The following STXBP5 variants were observed in gnomAD, a reference collection of about 807,000 sequenced individuals.
STXBP5 encodes the protein syntaxin-binding protein 5.
A neutral mutation model predicts 152.4 loss-of-function variants in STXBP5; 50 were observed. The ratio of observed to expected loss-of-function variants is 0.33; its 90% CI spans 0.26 to 0.42. STXBP5 has a LOEUF of 0.42. STXBP5 is among the 10% of genes least tolerant of loss of function. STXBP5 has a pLI of 1.00. For synonymous variants in STXBP5, 492 were observed against 494.7 expected, an observed-to-expected ratio of 0.99 and a Z score of 0.07; for missense variants, 1,167 against 1,388.6, an observed-to-expected ratio of 0.84 and a Z score of 2.54.
At chr6:147,242,155 G>A (rs1419884040) in intron 4 of STXBP5, among the ~76,000 whole-genome samples, 2 of 149,074 alleles carry the variant, frequency 1.3e-5, no homozygotes, top group East Asian at 3.9e-4. Context: ...TAATGTGTGT[G>A]ACTGTGTCTT....
intron 9 of STXBP5, 67 bp from the exon 10 acceptor site, chr6:147,310,014 AAAT>A: frequency 9.0e-7 from 1 of 1,107,004 alleles, no homozygotes; most frequent in Non-Finnish European, 1.2e-6. Context: ...CTAAATTAAA[AAAT>A]TATGATGTAG....
chr6:147,206,191 G>T, intron 2 of STXBP5, 123 bp downstream of exon 2: 2 of 732,042 alleles, frequency 2.7e-6, no homozygotes, highest in Non-Finnish European at 4.4e-6. Flanking sequence ...TATACTATGA[G>T]AAATCATGTG....
intron 4 of STXBP5, among the ~76,000 whole-genome samples, chr6:147,243,580 T>C (rs1215744099): frequency 6.6e-6 from 1 of 152,166 alleles, no homozygotes; most frequent in African/African-American, 2.4e-5. Context: ...CCTATTTAAT[T>C]AAGTTTAGCT....
intron 16 of STXBP5, among the ~76,000 whole-genome samples, chr6:147,324,146 G>A (rs1783082704): frequency 6.6e-6 from 1 of 151,680 alleles, no homozygotes; most frequent in Admixed American, 6.6e-5. Flanking sequence ...GTGAAAGTAG[G>A]TGCACACACA....
intron 2 of STXBP5, among the ~76,000 whole-genome samples, chr6:147,213,434 A>ATATG (rs1216361619): frequency 1.9e-4 from 16 of 85,576 alleles, no homozygotes; most frequent in South Asian, 8.0e-4. Context: ...AATTTTATAT[A>ATATG]TGTGTGTGTG....
At chr6:147,259,477 A>C (rs1404567353) in intron 4 of STXBP5, among the ~76,000 whole-genome samples, 1 of 152,206 alleles carries the variant, frequency 6.6e-6, no homozygotes, top group East Asian at 1.9e-4. Flanking sequence ...AAGTAGATGA[A>C]GCTTAAGTAA....
At chr6:147,231,201 TC>T (rs1421665672) in intron 2 of STXBP5, among the ~76,000 whole-genome samples, 2 of 151,906 alleles carry the variant, frequency 1.3e-5, no homozygotes, top group Admixed American at 6.6e-5. Flanking sequence ...TGTTTTTTTT[TC>T]CTGTGATTAT....
At chr6:147,264,838 C>G (rs1779813947) in intron 6 of STXBP5, among the ~76,000 whole-genome samples, 2 of 152,188 alleles carry the variant, frequency 1.3e-5, no homozygotes, top group South Asian at 4.1e-4. Flanking sequence ...AGATTATGGG[C>G]ATAAAACTCT....
chr6:147,232,154 C>T (rs764588029), intron 2 of STXBP5, among the ~76,000 whole-genome samples: 7 of 151,810 alleles, frequency 4.6e-5, no homozygotes, highest in Non-Finnish European at 1.0e-4. Flanking sequence ...CTCTCCAGAT[C>T]ACAGCATCTA....
At chr6:147,213,073 T>G (rs1776941083) in intron 2 of STXBP5, among the ~76,000 whole-genome samples, 1 of 152,164 alleles carries the variant, frequency 6.6e-6, no homozygotes. Flanking sequence ...TCTCTTGAAT[T>G]GCTAGTATGT....
intron 25 of STXBP5, among the ~76,000 whole-genome samples, chr6:147,370,852 A>G (rs917525549): frequency 6.6e-6 from 1 of 151,920 alleles, no homozygotes; most frequent in Non-Finnish European, 1.5e-5. Flanking sequence ...CAGACTCAAT[A>G]CTCTTACAAT....
At chr6:147,363,956 T>G in intron 24 of STXBP5, 45 bp from the exon 25 acceptor site, 1 of 1,591,274 alleles carries the variant, frequency 6.3e-7, no homozygotes, top group Non-Finnish European at 8.6e-7. Context: ...TGTTCAAGAC[T>G]AAAACCTACC....
chr6:147,330,722 G>A (rs1020570463), intron 18 of STXBP5, among the ~76,000 whole-genome samples: 2 of 152,170 alleles, frequency 1.3e-5, no homozygotes, highest in African/African-American at 4.8e-5. Context: ...AATGTTGCCT[G>A]AAGTTAATGA....
intron 6 of STXBP5, among the ~76,000 whole-genome samples, chr6:147,263,434 C>T (rs1779740663): frequency 6.7e-6 from 1 of 150,290 alleles, no homozygotes. Flanking sequence ...TCAAGTGATC[C>T]TCCTGCCTTG....
chr6:147,363,507 T>C lies in STXBP5; in HGVS notation c.2718T>C (p.Ser906=). The C allele has an allele frequency of 4.3e-6, 7 of 1,614,100 alleles. No individual in the cohort carries two copies. The highest frequency in any genetic ancestry group is 5.1e-6 in the Non-Finnish European group (6 of 1,180,034). The change falls in exon 24 of 28, where the codon TCT becomes TCC. Residue 906 remains serine (S), a synonymous_variant. Transcript: ENST00000321680. ...RRPVSVSPSS[S]QEISENQYAV... ...CTGTCTCAGTATCCCCCTCCTCTTC[T>C]CAGGAAATTAGTGAAAACCAGTATG...
intron 5 of STXBP5, 41 bp downstream of exon 5, chr6:147,260,790 C>G (rs771065290): frequency 6.2e-7 from 1 of 1,600,026 alleles, no homozygotes; most frequent in Non-Finnish European, 8.5e-7. Context: ...AGCATCAGTT[C>G]TATATATAAT....
At chr6:147,235,378 C>A in intron 3 of STXBP5, 47 bp downstream of exon 3, 1 of 1,441,476 alleles carries the variant, frequency 6.9e-7, no homozygotes, top group Non-Finnish European at 9.6e-7. Flanking sequence ...AAAATAGGGC[C>A]ACTTCTAGTC....
chr6:147,371,122 TA>T (rs1393255324), intron 25 of STXBP5, among the ~76,000 whole-genome samples: 2 of 152,048 alleles, frequency 1.3e-5, no homozygotes, highest in Non-Finnish European at 2.9e-5. Context: ...GTTTCAGAAA[TA>T]CCATCTACTA....
intron 23 of STXBP5, among the ~76,000 whole-genome samples, chr6:147,361,228 G>A (rs1785050677): frequency 6.6e-6 from 1 of 151,978 alleles, no homozygotes; most frequent in Non-Finnish European, 1.5e-5. Context: ...ATTTTCTACA[G>A]CAAACATACA....
Sources: gnomAD v4.1 joint callset for allele counts (sites outside exome capture counted in the v4.1 genomes callset) on GRCh38, gnomAD v4.1.1 for gene constraint, MANE v1.5 for transcripts, NCBI Gene and HGNC (gene_info 2026-07-23, HGNC 2026-07-21) for gene names.